Variants in NET1 observed in about 807,000 individuals in gnomAD.
NET1 encodes neuroepithelial cell transforming 1, also known as neuroepithelial cell-transforming gene 1 protein.
In NET1, 42 loss-of-function variants were observed where a neutral mutation model predicts 61.1. The ratio of observed to expected loss-of-function variants is 0.69; its 90% CI spans 0.54 to 0.89. The LOEUF (loss-of-function observed/expected upper bound fraction) is 0.89, where lower values mean the gene tolerates loss of function less well. Ranked by LOEUF, NET1 falls within the 40% of genes least tolerant of loss-of-function variation. The probability of loss-of-function intolerance (pLI) is 0.00; values close to 1 mark genes in which losing one functional copy is unlikely to be tolerated. For missense variants in NET1, 654 were observed against 747.3 expected, an observed-to-expected ratio of 0.88 and a Z score of 1.46; for synonymous variants, 254 against 281.8, an observed-to-expected ratio of 0.90 and a Z score of 0.99.
chr10:5,456,765 A>T lies in NET1; in HGVS notation c.1562A>T (p.Glu521Val), dbSNP rs201895973. The change falls in exon 12 of 12, where the codon GAG becomes GTG. Residue 521 changes from glutamate to valine, a missense_variant. Glu to Val is a moderately radical substitution (Grantham distance 121). Coordinates refer to ENST00000355029, the MANE Select transcript of NET1 (RefSeq NM_001047160.3). This position sits in a 1 kb window ranked among gnomAD's most constrained non-coding sequence, Gnocchi z 7.0. ...ELQGLPELHE[E>V]CEGNHPSARK... The stretch of plus-strand genomic sequence containing the variant: ...CAGGGCCTGCCGGAGCTGCACGAAG[A>T]GTGTGAGGGGAACCACCCCTCTGCG... 6.2e-7 allele frequency: 1 copy of T among 1,613,526 alleles called. No individual in the cohort carries two copies.
In NET1 at chr10:5,445,174, G is replaced by A. The variant is rs563032941; in HGVS notation, c.256-6656G>A. Among the ~76,000 whole-genome samples, 4 of 152,244 alleles carry A rather than the reference G, an allele frequency of 2.6e-5. No individual in the cohort carries two copies. In the South Asian group the frequency reaches 8.3e-4, roughly 32 times the overall value. On this transcript the variant is annotated intron_variant, in intron 3 of 11. Coordinates refer to ENST00000355029, the MANE Select transcript of NET1 (RefSeq NM_001047160.3). ...TCTGTTCCATCTTTACGCACAGCCCGTGATCTCAGTGTGGGCTCACTCCCT... is the reference window on the plus strand; with the variant it reads ...TCTGTTCCATCTTTACGCACAGCCCATGATCTCAGTGTGGGCTCACTCCCT...
rs1832147254 is a variant in NET1, at chr10:5,420,092, T to A, written c.129-6563T>A. 6.6e-6 allele frequency among the ~76,000 whole-genome samples: 1 copy of A among 152,226 alleles called. No individual in the cohort carries two copies. The highest frequency in any genetic ancestry group is 2.4e-5 in the African/African-American group (1 of 41,470). ...GGAGAAGCTTCAGCCATTGTTTCTCTGAAGTTTTTTTCTGCTCTTTTCTCT... is the reference window on the plus strand; with the variant it reads ...GGAGAAGCTTCAGCCATTGTTTCTCAGAAGTTTTTTTCTGCTCTTTTCTCT... On this transcript the variant is annotated intron_variant, in intron 1 of 11. Transcript: ENST00000355029. The surrounding 1 kb of genome is among the most constrained non-coding windows in gnomAD (Gnocchi z 5.3).
In NET1 at chr10:5,420,843, C is replaced by G. The variant is rs949290855; in HGVS notation, c.129-5812C>G. 6.6e-6 allele frequency among the ~76,000 whole-genome samples: 1 copy of G among 152,110 alleles called. No homozygotes were observed. The highest frequency in any genetic ancestry group is 1.5e-5 in the Non-Finnish European group (1 of 68,022). ...TCTCCTGACCTCGTGAACCGCCCAC[C>G]TTGACCTCCCAAAGTGCTGGGATTA... On this transcript the variant is annotated intron_variant, in intron 1 of 11. Transcript: ENST00000355029. This position sits in a 1 kb window ranked among gnomAD's most constrained non-coding sequence, Gnocchi z 5.3.
Position 5,437,504 on chromosome 10 carries a change from A to T in NET1, c.255+8275A>T, listed in dbSNP as rs552328926. Among the ~76,000 whole-genome samples, 12 of 152,238 alleles carry T rather than the reference A, an allele frequency of 7.9e-5. No homozygotes were observed. The highest frequency in any genetic ancestry group is 2.9e-4 in the African/African-American group (12 of 41,544). On this transcript the variant is annotated intron_variant, in intron 3 of 11. Transcript: ENST00000355029. This position sits in a 1 kb window ranked among gnomAD's most constrained non-coding sequence, Gnocchi z 4.3. ...ACCTTCTGGTGCACAAGGAGGGACC[A>T]TGTTTGTGTCTCTATTATAGATGTT...
intron 3 of NET1, among the ~76,000 whole-genome samples, chr10:5,445,946 A>G (rs1832600474): frequency 6.6e-6 from 1 of 152,198 alleles, no homozygotes; most frequent in Admixed American, 6.5e-5. Context: ...CACCTTTGTT[A>G]TAAAATATCT....
Position 5,436,546 on chromosome 10 carries a change from A to G in NET1, c.255+7317A>G, listed in dbSNP as rs140745577. 8.6e-4 allele frequency among the ~76,000 whole-genome samples: 130 copies of G among 151,810 alleles called. 1 individual carries two copies. The East Asian group carries it at 0.018, about 21-fold the overall frequency. On this transcript the variant is annotated intron_variant, in intron 3 of 11. Coordinates refer to ENST00000355029, the MANE Select transcript of NET1 (RefSeq NM_001047160.3). ...CCACTGCGCCCAGCCTGGGGGTTAT[A>G]TTTTGAGTATTGGTATACTCTGCCA...
Position 5,454,978 on chromosome 10 carries a change from A to G in NET1, c.1057A>G (p.Ile353Val). 3.7e-6 allele frequency: 6 copies of G among 1,614,154 alleles called. No homozygotes were observed. Among genetic ancestry groups the G allele is most frequent in the South Asian group, 1.1e-5 (1 of 91,078 alleles). ...ILIIQGVLSD[I>V]NLKKGESECQ... Reference sequence around the variant, plus strand: ...GATAATACAGGGAGTCCTCTCTGATATCAACTTGAAGAAAGGTGAATCCGA... The same window carrying G: ...GATAATACAGGGAGTCCTCTCTGATGTCAACTTGAAGAAAGGTGAATCCGA... Residue 353 changes from isoleucine (I) to valine (V), a missense_variant, in exon 10 of 12, where the codon ATC becomes GTC. Ile to Val is a conservative substitution (Grantham distance 29). Transcript: ENST00000355029. This position sits in a 1 kb window ranked among gnomAD's most constrained non-coding sequence, Gnocchi z 8.1.
At position 5,422,564 on chromosome 10, in the gene NET1, C is replaced by G. The variant is rs545448313; in HGVS notation, c.129-4091C>G. 1.3e-5 allele frequency among the ~76,000 whole-genome samples: 2 copies of G among 152,184 alleles called. No homozygotes were observed. The highest frequency in any genetic ancestry group is 4.8e-5 in the African/African-American group (2 of 41,440). ...CCCTGTTCCCTCTTCCCTGAATTTG[C>G]TGCTGTGGGCAAGGCCTGAGAATTA... is the stretch of plus-strand genomic sequence containing the variant. On this transcript the variant is annotated intron_variant, in intron 1 of 11. Coordinates refer to ENST00000355029, the MANE Select transcript of NET1 (RefSeq NM_001047160.3). This position sits in a 1 kb window ranked among gnomAD's most constrained non-coding sequence, Gnocchi z 4.1.
At position 5,455,754 on chromosome 10, in the gene NET1, G is replaced by A. The variant is rs551528574; in HGVS notation, c.1198-333G>A. Among the ~76,000 whole-genome samples the A allele has an allele frequency of 6.6e-5, 10 of 152,206 alleles. No individual in the cohort carries two copies. Among genetic ancestry groups the A allele is most frequent in the South Asian group, 6.2e-4 (3 of 4,810 alleles). On this transcript the variant is annotated intron_variant, in intron 10 of 11. Coordinates refer to ENST00000355029, the MANE Select transcript of NET1 (RefSeq NM_001047160.3). The surrounding 1 kb of genome is among the most constrained non-coding windows in gnomAD (Gnocchi z 6.5). ...AGCTTGCATTTTTAATCCCTCCTTC[G>A]TGTTAGAAAACTGTGGTATACAACG...
In NET1 at chr10:5,431,206, G is replaced by C. The variant is rs921073906; in HGVS notation, c.255+1977G>C. Among the ~76,000 whole-genome samples the C allele has an allele frequency of 1.3e-5, 2 of 152,162 alleles. No individual in the cohort carries two copies. The highest frequency in any genetic ancestry group is 4.8e-5 in the African/African-American group (2 of 41,424). ...CTCTTAAGTCTCTTTTAGTTCATTGGTTTCCCCTCTAACTATTTTCTTGGA... is the reference window on the plus strand; with the variant it reads ...CTCTTAAGTCTCTTTTAGTTCATTGCTTTCCCCTCTAACTATTTTCTTGGA... On this transcript the variant is annotated intron_variant, in intron 3 of 11. Transcript: ENST00000355029. This position sits in a 1 kb window ranked among gnomAD's most constrained non-coding sequence, Gnocchi z 4.9.
rs976144566 is a variant in NET1, at chr10:5,420,472, A to G, written c.129-6183A>G. On this transcript the variant is annotated intron_variant, in intron 1 of 11. Transcript: ENST00000355029. This position sits in a 1 kb window ranked among gnomAD's most constrained non-coding sequence, Gnocchi z 5.3. ...TACATCTCCTCTATACACCTGTGCA[A>G]GTTTCTCTGGGGCAGCAGTTATGTT... Among the ~76,000 whole-genome samples the G allele has an allele frequency of 6.6e-6, 1 of 152,190 alleles. No homozygotes were observed. Among genetic ancestry groups the G allele is most frequent in the African/African-American group, 2.4e-5 (1 of 41,454 alleles).
rs1832011387 is a variant in NET1, at chr10:5,412,587, A to C, written c.-106A>C. 2 of 1,231,878 alleles carry C rather than the reference A, an allele frequency of 1.6e-6. No homozygotes were observed. Among genetic ancestry groups the C allele is most frequent in the Non-Finnish European group, 2.1e-6 (2 of 935,134 alleles). 76.3% of individuals were successfully genotyped at this position (1,231,878 alleles called of 1,614,324 possible). A position where few individuals can be genotyped will look rare whatever the true frequency, so the allele number is the denominator to read the frequency against. On this transcript the variant is annotated 5_prime_UTR_variant, in exon 1 of 12. Coordinates refer to ENST00000355029, the MANE Select transcript of NET1 (RefSeq NM_001047160.3). This position sits in a 1 kb window ranked among gnomAD's most constrained non-coding sequence, Gnocchi z 6.5. ...CCCGGATGACGGCGGTGGCGGCTGC[A>C]GTCCGCTGACAGGCGCTTTCTGCCT...
In NET1 at chr10:5,455,964, A is replaced by T. The variant is rs75207405; in HGVS notation, c.1198-123A>T. ...ATCTTTATGGATTACTAGATTTGTCACTTAGAGAGATCTTCGAAAAATAAA... is the reference window on the plus strand; with the variant it reads ...ATCTTTATGGATTACTAGATTTGTCTCTTAGAGAGATCTTCGAAAAATAAA... On this transcript the variant is annotated intron_variant, in intron 10 of 11. Coordinates refer to ENST00000355029, the MANE Select transcript of NET1 (RefSeq NM_001047160.3). This position sits in a 1 kb window ranked among gnomAD's most constrained non-coding sequence, Gnocchi z 6.5. The T allele has an allele frequency of 6.1e-3, 5,887 of 965,196 alleles. 192 individuals are homozygous for T. The East Asian group carries it at 0.08, about 13-fold the overall frequency. The allele number at this position is 965,196 out of a possible 1,614,324, so 59.8% of individuals were successfully genotyped here. A position where few individuals can be genotyped will look rare whatever the true frequency, so the allele number is the denominator to read the frequency against.
rs1260203081 is a variant in NET1, at chr10:5,435,526, TAGATAGAC to T, written c.255+6301_255+6308del. Among the ~76,000 whole-genome samples the T allele has an allele frequency of 0.12, 2,512 of 20,508 alleles. 54 individuals are homozygous for T. Among genetic ancestry groups the T allele is most frequent in the East Asian group, 0.27 (188 of 692 alleles). 13.5% of individuals were successfully genotyped at this position (20,508 alleles called of 152,430 possible). ...ATAGATAGATAGATAGATAGATAGA[TAGATAGAC>T]AGACAGACAGATAGATAGATAGATA... On this transcript the variant is annotated intron_variant, in intron 3 of 11. Coordinates refer to ENST00000355029, the MANE Select transcript of NET1 (RefSeq NM_001047160.3). The surrounding 1 kb of genome is among the most constrained non-coding windows in gnomAD (Gnocchi z 5.0).
In NET1 at chr10:5,456,192, G is replaced by C. The variant is rs1285144439; in HGVS notation, c.1303G>C (p.Glu435Gln). 1 of 1,614,220 alleles carries C rather than the reference G, an allele frequency of 6.2e-7. No individual in the cohort carries two copies. The highest frequency in any genetic ancestry group is 8.5e-7 in the Non-Finnish European group (1 of 1,180,026). ...QVYRQPIPVQ[E>Q]LVLEDLQDGD... ...TTACCGGCAGCCAATCCCAGTCCAA[G>C]AGCTAGTCCTAGAAGACCTGCAGGA... The change falls in exon 11 of 12, where the codon GAG becomes CAG. Residue 435 changes from glutamate to glutamine, a missense_variant. Transcript: ENST00000355029. The surrounding 1 kb of genome is among the most constrained non-coding windows in gnomAD (Gnocchi z 7.0).
chr10:5,425,402 G>A (rs577664049), intron 1 of NET1, among the ~76,000 whole-genome samples: 4 of 152,258 alleles, frequency 2.6e-5, no homozygotes, highest in South Asian at 2.1e-4. Flanking sequence ...GATGAACAAC[G>A]ACTATGAAGC....
Position 5,427,467 on chromosome 10 carries a change from T to C in NET1, c.195+746T>C, listed in dbSNP as rs919624153. Among the ~76,000 whole-genome samples, 2 of 152,284 alleles carry C rather than the reference T, an allele frequency of 1.3e-5. No homozygotes were observed. The highest frequency in any genetic ancestry group is 3.9e-4 in the East Asian group (2 of 5,186). On this transcript the variant is annotated intron_variant, in intron 2 of 11. Coordinates refer to ENST00000355029, the MANE Select transcript of NET1 (RefSeq NM_001047160.3). The surrounding 1 kb of genome is among the most constrained non-coding windows in gnomAD (Gnocchi z 4.1). ...ATTAGTCCATTCCCAGGCTCTGCTC[T>C]AACCATGTCAACAGTACCATATGTA...
At position 5,451,311 on chromosome 10, in the gene NET1, T is replaced by G. The variant is rs1014465305; in HGVS notation, c.256-519T>G. On this transcript the variant is annotated intron_variant, in intron 3 of 11. Transcript: ENST00000355029. This position sits in a 1 kb window ranked among gnomAD's most constrained non-coding sequence, Gnocchi z 6.1. ...GTGTCAGACATGTTGATTGAAAGGT[T>G]GTATTTTCTAACGGAAGTAGTTAAG... Among the ~76,000 whole-genome samples, 1 of 152,188 alleles carries G rather than the reference T, an allele frequency of 6.6e-6. No homozygotes were observed. Among genetic ancestry groups the G allele is most frequent in the Admixed American group, 6.5e-5 (1 of 15,276 alleles).
At position 5,412,782 on chromosome 10, in the gene NET1, G is replaced by T; in HGVS notation, c.90G>T (p.Gly30=). The change falls in exon 1 of 12, where the codon GGG becomes GGT. Residue 30 remains glycine, a synonymous_variant. Coordinates refer to ENST00000355029, the MANE Select transcript of NET1 (RefSeq NM_001047160.3). The surrounding 1 kb of genome is among the most constrained non-coding windows in gnomAD (Gnocchi z 6.5). ...ASGLSTEGAT[G]PSADTSGSEL... is the part of the protein sequence containing the mutation. ...GGCTCAGCACGGAGGGAGCGACGGG[G>T]CCTTCGGCCGACACCTCCGGGTCGG... 1.4e-6 allele frequency: 2 copies of T among 1,457,092 alleles called. No homozygotes were observed. Among genetic ancestry groups the T allele is most frequent in the South Asian group, 1.3e-5 (1 of 74,260 alleles). 90.3% of individuals were successfully genotyped at this position (1,457,092 alleles called of 1,614,324 possible). A position where few individuals can be genotyped will look rare whatever the true frequency, so the allele number is the denominator to read the frequency against.
Sources: allele counts gnomAD v4.1 joint callset (sites outside exome capture counted in the v4.1 genomes callset), GRCh38; gene constraint gnomAD v4.1.1; non-coding constraint Gnocchi (gnomAD v3.1); transcripts MANE v1.5; gene names NCBI Gene and HGNC (gene_info 2026-07-23, HGNC 2026-07-21).